CELF2: variants seen among roughly 807,000 people sequenced by gnomAD.
CELF2 encodes CUG triplet repeat RNA-binding protein 2.
In CELF2, 8 loss-of-function variants were observed where a neutral mutation model predicts 62.6. The observed-to-expected ratio is 0.13, with a 90% confidence interval of 0.07 to 0.23. CELF2 has a LOEUF of 0.23. CELF2 is among the 10% of genes least tolerant of loss of function. The pLI, the probability that CELF2 is intolerant of heterozygous loss-of-function variation, is 1.00. For missense variants in CELF2, 333 were observed against 671.0 expected, an observed-to-expected ratio of 0.50 and a Z score of 5.56; for synonymous variants, 258 against 250.0, an observed-to-expected ratio of 1.03 and a Z score of -0.30.
At chr10:11,208,085 G>A (rs1364057994) in intron 2 of CELF2, among the ~76,000 whole-genome samples, 7 of 152,132 alleles carry the variant, frequency 4.6e-5, no homozygotes, top group African/African-American at 1.2e-4. Flanking sequence ...TCATCGACTC[G>A]TGGTTGCTGG....
intron 2 of CELF2, among the ~76,000 whole-genome samples, chr10:11,169,690 A>T (rs2068250531): frequency 6.6e-6 from 1 of 152,226 alleles, no homozygotes; most frequent in South Asian, 2.1e-4. Context: ...ATATTTTAGC[A>T]ACAAGAGGCT....
At chr10:11,148,873 C>T (rs1473361785) in intron 1 of CELF2, among the ~76,000 whole-genome samples, 1 of 149,280 alleles carries the variant, frequency 6.7e-6, no homozygotes, top group Non-Finnish European at 1.5e-5. Flanking sequence ...CACACACACA[C>T]AAAGCAAGCC....
chr10:11,314,015 C>A lies in CELF2; in HGVS notation c.977-124C>A. 2.0e-6 allele frequency: 2 copies of A among 997,198 alleles called. No individual in the cohort carries two copies. Among genetic ancestry groups the A allele is most frequent in the Non-Finnish European group, 3.0e-6 (2 of 665,512 alleles). 61.8% of individuals were successfully genotyped at this position (997,198 alleles called of 1,614,324 possible). A position where few individuals can be genotyped will look rare whatever the true frequency, so the allele number is the denominator to read the frequency against. ...CACAAGTACAATCCCACATGTCCTT[C>A]ACCCAAAGCCACAAGCACAGCTCCT... On this transcript the variant is annotated intron_variant, in intron 9 of 12. Transcript: ENST00000633077. This position sits in a 1 kb window ranked among gnomAD's most constrained non-coding sequence, Gnocchi z 5.3.
At chr10:11,236,225 G>A (rs887936242) in intron 3 of CELF2, among the ~76,000 whole-genome samples, 5 of 152,182 alleles carry the variant, frequency 3.3e-5, no homozygotes, top group African/African-American at 9.7e-5. Flanking sequence ...CCTGTCAGAA[G>A]GTTCAAGATA....
chr10:11,125,339 G>A (rs1047083557), intron 1 of CELF2, among the ~76,000 whole-genome samples: 9 of 151,982 alleles, frequency 5.9e-5, no homozygotes, highest in South Asian at 2.1e-4. Context: ...GCTAGGAATC[G>A]GGATTTTTCA....
intron 1 of CELF2, among the ~76,000 whole-genome samples, chr10:11,076,161 G>C (rs1366902865): frequency 6.6e-6 from 1 of 151,958 alleles, no homozygotes. Context: ...GGTCATACAT[G>C]GGGGAAGCTT....
chr10:11,222,747 A>C (rs1019689224), intron 3 of CELF2, among the ~76,000 whole-genome samples: 2 of 152,246 alleles, frequency 1.3e-5, no homozygotes, highest in Admixed American at 1.3e-4. Context: ...GTTAGTTTTT[A>C]TAATGAAATA....
In CELF2 at chr10:10,905,740, T is replaced by C. The variant is rs192816228; in HGVS notation, c.54-14224T>C. ...AAAATACAAAAAAATTAGCCAGGTG[T>C]GGTGGCGGGCAACTGTAGTCCCAGC... On this transcript the variant is annotated intron_variant, in intron 1 of 13. Coordinates refer to the CELF2 transcript ENST00000636488. Among the ~76,000 whole-genome samples the C allele has an allele frequency of 6.7e-3, 1,024 of 151,960 alleles. 8 individuals are homozygous for C. The highest frequency in any genetic ancestry group is 0.023 in the African/African-American group (972 of 41,434).
chr10:11,107,681 G>A (rs1037274774), intron 1 of CELF2, among the ~76,000 whole-genome samples: 16 of 151,728 alleles, frequency 1.1e-4, no homozygotes, highest in African/African-American at 3.4e-4. Flanking sequence ...TCCGGTCCAT[G>A]TGTCACTTCT....
intron 1 of CELF2, among the ~76,000 whole-genome samples, chr10:11,026,672 T>C (rs2059261058): frequency 6.6e-6 from 1 of 152,218 alleles, no homozygotes; most frequent in Non-Finnish European, 1.5e-5. Context: ...TCTTATGTTT[T>C]CCTGATTTAT....
the CELF2 span, among the ~76,000 whole-genome samples, chr10:10,556,261 C>A: frequency 2.6e-5 from 4 of 151,850 alleles, no homozygotes; most frequent in African/African-American, 9.7e-5. Context: ...CACTTCCCAC[C>A]TATGAGTGAC....
chr10:11,218,176 T>G (rs1303140552), intron 3 of CELF2, among the ~76,000 whole-genome samples: 1 of 152,212 alleles, frequency 6.6e-6, no homozygotes. Flanking sequence ...CTTTTATGTA[T>G]TTCATGCTAT....
At chr10:11,173,493 T>C (rs2069720763) in intron 2 of CELF2, among the ~76,000 whole-genome samples, 1 of 152,026 alleles carries the variant, frequency 6.6e-6, no homozygotes, top group Non-Finnish European at 1.5e-5. Context: ...CTAGCATTAA[T>C]TAAAAAATCA....
intron 1 of CELF2, among the ~76,000 whole-genome samples, chr10:11,048,633 G>A (rs2063298340): frequency 6.6e-6 from 1 of 152,208 alleles, no homozygotes; most frequent in African/African-American, 2.4e-5. Flanking sequence ...ACTAAGCTGT[G>A]AAAACGCATT....
At chr10:10,880,718 T>C (rs998068814) in intron 1 of CELF2, among the ~76,000 whole-genome samples, 1 of 152,230 alleles carries the variant, frequency 6.6e-6, no homozygotes, top group African/African-American at 2.4e-5. Flanking sequence ...CCTCTCTGTT[T>C]AGGCAGAGTG....
the CELF2 span, among the ~76,000 whole-genome samples, chr10:10,545,552 G>A: frequency 1.6e-4 from 24 of 152,212 alleles, no homozygotes; most frequent in East Asian, 4.1e-3. Context: ...TGGAAAATGC[G>A]GCCACATAGG....
chr10:11,185,954 C>T (rs641595), intron 2 of CELF2, among the ~76,000 whole-genome samples: 27,528 of 152,156 alleles, frequency 0.18, 3,733 homozygotes, highest in East Asian at 0.68. Context: ...TCACATAAGT[C>T]ACCCAGACTT....
the CELF2 span, among the ~76,000 whole-genome samples, chr10:10,521,815 C>A: frequency 6.6e-6 from 1 of 152,204 alleles, no homozygotes; most frequent in South Asian, 2.1e-4. Context: ...TCCAAGGATT[C>A]TGCGAAAATG....
At chr10:10,655,610 G>A in the CELF2 span, among the ~76,000 whole-genome samples, 8 of 121,284 alleles carry the variant, frequency 6.6e-5, no homozygotes, top group South Asian at 3.9e-4. Flanking sequence ...TGAGAAAAAC[G>A]AGCAATGGGG....
Sources: allele counts gnomAD v4.1 joint callset (sites outside exome capture counted in the v4.1 genomes callset), GRCh38; gene constraint gnomAD v4.1.1; non-coding constraint Gnocchi (gnomAD v3.1); transcripts MANE v1.5; gene names NCBI Gene and HGNC (gene_info 2026-07-23, HGNC 2026-07-21).